The following UBASH3A variants were observed in gnomAD, a reference collection of about 807,000 sequenced individuals.
UBASH3A encodes ubiquitin associated and SH3 domain containing A.
In UBASH3A, 63 loss-of-function variants were observed where a neutral mutation model predicts 73.5. That is an observed-to-expected ratio of 0.86 (90% CI 0.70 to 1.06). The LOEUF (loss-of-function observed/expected upper bound fraction) is 1.06, where lower values mean the gene tolerates loss of function less well. Among genes scored for constraint, UBASH3A ranks in the 50% least tolerant of loss-of-function variants. The pLI, the probability that UBASH3A is intolerant of heterozygous loss-of-function variation, is 0.00. For missense variants in UBASH3A, 860 were observed against 859.0 expected (o/e 1.00, Z -0.02); for synonymous variants, 363 against 351.1 (o/e 1.03, Z -0.38).
intron 7 of UBASH3A, among the ~76,000 whole-genome samples, chr21:42,426,162 C>T (rs2053431231): frequency 6.6e-6 from 1 of 152,120 alleles, no homozygotes; most frequent in African/African-American, 2.4e-5. Flanking sequence ...TCATGGGACC[C>T]CAGTTCGTTT....
intron 3 of UBASH3A, among the ~76,000 whole-genome samples, chr21:42,412,814 A>G (rs532136253): frequency 6.6e-6 from 1 of 152,360 alleles, no homozygotes; most frequent in East Asian, 1.9e-4. Flanking sequence ...CAACCTGCAA[A>G]GAAACTTACC....
rs573367530 is a variant in UBASH3A at position 42,427,032 on chromosome 21, C to G, written c.1170+212C>G. Among the ~76,000 whole-genome samples, 387 of 152,254 alleles carry G rather than the reference C, an allele frequency of 2.5e-3. 1 individual carries two copies. The highest frequency in any genetic ancestry group is 8.1e-3 in the African/African-American group (335 of 41,558). ...CTGCTCTGGGCAGACAGGGAGCCACCCCTTCATGGCAGAGTGCCCCACCTT... is the reference window on the plus strand; with the variant it reads ...CTGCTCTGGGCAGACAGGGAGCCACGCCTTCATGGCAGAGTGCCCCACCTT... On this transcript the variant is annotated intron_variant, in intron 8 of 14. Coordinates refer to ENST00000319294, the MANE Select transcript of UBASH3A (RefSeq NM_018961.4).
rs768556913 is a variant in UBASH3A at position 42,409,519 on chromosome 21, C to A, written c.265C>A (p.Gln89Lys). The A allele has an allele frequency of 1.2e-6, 2 of 1,614,130 alleles. No individual in the cohort carries two copies. Among genetic ancestry groups the A allele is most frequent in the East Asian group, 4.5e-5 (2 of 44,880 alleles). ...CPTGPLLEKL[Q>K]EFWRESKRQC... The stretch of plus-strand genomic sequence containing the variant: ...AACGGGGCCCCTGCTGGAAAAACTT[C>A]AAGAGTTCTGGAGAGAGAGCAAGCG... Residue 89 changes from glutamine (Q) to lysine (K), a missense_variant, in exon 3 of 15, where the codon CAA becomes AAA. Physicochemically the swap from Gln to Lys is moderately conservative, Grantham distance 53. Coordinates refer to ENST00000319294, the MANE Select transcript of UBASH3A (RefSeq NM_018961.4).
At chr21:42,434,742 G>C in intron 9 of UBASH3A, 90 bp from the exon 10 acceptor site, 1 of 1,387,746 alleles carries the variant, frequency 7.2e-7, no homozygotes, top group Non-Finnish European at 9.8e-7. Context: ...TAACATTGCT[G>C]TTAGAGTGGG....
chr21:42,442,541 C>G lies in UBASH3A; in HGVS notation c.1576C>G (p.Leu526Val). The part of the protein sequence containing the change: ...KWEAGKTTPT[L>V]MSLEELKEAN... ...GGAAGCTGGCAAAACCACCCCAACC[C>G]TCATGAGCCTGGAAGAGCTGAAAGA... Residue 526 changes from leucine to valine, a missense_variant, in exon 12 of 15, where the codon CTC (leucine) becomes GTC (valine). By Grantham distance (32) the Leu-to-Val change is conservative. Transcript: ENST00000319294. 6.2e-7 allele frequency: 1 copy of G among 1,614,168 alleles called. No individual in the cohort carries two copies. The highest frequency in any genetic ancestry group is 2.2e-5 in the East Asian group (1 of 44,890).
In UBASH3A at chr21:42,444,569, CTG is replaced by C. The variant is rs1229982989; in HGVS notation, c.1775_1776del (p.Leu592ArgfsTer34). The C allele has an allele frequency of 1.2e-6, 2 of 1,613,948 alleles. No homozygotes were observed. Among genetic ancestry groups the C allele is most frequent in the Non-Finnish European group, 8.5e-7 (1 of 1,180,040 alleles). ...VILIVSHGST[L>X]DSCTRPLLGL... ...CCTAATTGTGAGTCACGGCTCCACTCTGGACTCCTGCACGCGGCCACTGCTCG... is the reference window on the plus strand; with the variant it reads ...CCTAATTGTGAGTCACGGCTCCACTCGACTCCTGCACGCGGCCACTGCTCG... On this transcript the variant is annotated frameshift_variant, in exon 14 of 15. Transcript: ENST00000319294. LOFTEE classifies it high-confidence loss of function.
rs766283227 is a variant in UBASH3A, at chr21:42,403,973, G to A, written c.28G>A (p.Ala10Thr). The stretch of plus-strand genomic sequence containing the variant: ...GGCAGCGGGGGAGACGCAGCTCTAC[G>A]CCAAGGTCTCCAACAAGCTCAAGAG... MAAGETQLY[A>T]KVSNKLKSRS... Residue 10 changes from alanine (A) to threonine (T), a missense_variant, in exon 1 of 15, where the codon GCC (alanine) becomes ACC (threonine). Coordinates refer to ENST00000319294, the MANE Select transcript of UBASH3A (RefSeq NM_018961.4). 87 of 1,524,454 alleles carry A rather than the reference G, an allele frequency of 5.7e-5. No individual in the cohort carries two copies. Among genetic ancestry groups the A allele is most frequent in the Non-Finnish European group, 5.6e-5 (63 of 1,131,790 alleles). The allele number at this position is 1,524,454 out of a possible 1,614,324, so 94.4% of individuals were successfully genotyped here.
chr21:42,423,479 G>A (rs1011450238), intron 7 of UBASH3A, among the ~76,000 whole-genome samples: 1 of 152,224 alleles, frequency 6.6e-6, no homozygotes, highest in African/African-American at 2.4e-5. Flanking sequence ...TTAAGGAATA[G>A]AGAGGAGATG....
At chr21:42,427,017 C>A (rs1228265261) in intron 8 of UBASH3A, among the ~76,000 whole-genome samples, 197 bp downstream of exon 8, 2 of 152,180 alleles carry the variant, frequency 1.3e-5, no homozygotes, top group African/African-American at 4.8e-5. Flanking sequence ...CTGCTCTGGG[C>A]AGACAGGGAG....
chr21:42,422,873 G>A (rs1342807758), intron 7 of UBASH3A, among the ~76,000 whole-genome samples: 1 of 152,178 alleles, frequency 6.6e-6, no homozygotes, highest in Admixed American at 6.5e-5. Flanking sequence ...CCCTGGAAGG[G>A]AGAGTGTCTA....
chr21:42,447,328 A>C lies in UBASH3A; in HGVS notation c.*134A>C. ...TTGTAGAAGCACGAGACGCACTTTT[A>C]TATCCCGGAATATTTCCCTCCGGCT... On this transcript the variant is annotated 3_prime_UTR_variant, in exon 15 of 15. Transcript: ENST00000319294. The C allele has an allele frequency of 2.1e-6, 2 of 932,150 alleles. No individual in the cohort carries two copies. Among genetic ancestry groups the C allele is most frequent in the Non-Finnish European group, 3.2e-6 (2 of 629,862 alleles). The allele number at this position is 932,150 out of a possible 1,614,324, so 57.7% of individuals were successfully genotyped here.
At chr21:42,416,266 T>C in intron 5 of UBASH3A, among the ~76,000 whole-genome samples, 176 bp from the exon 6 acceptor site, 1 of 152,014 alleles carries the variant, frequency 6.6e-6, no homozygotes, top group East Asian at 1.9e-4. Flanking sequence ...TCTTTCCTAC[T>C]TCCTGGAAAA....
rs528955723 is a variant in UBASH3A at position 42,430,954 on chromosome 21, A to C, written c.1171-1149A>C. ...GCTCTGGGGCTGGGAATGTAGGTGAAGGGCCGATGTCAGCTGGCACATTAG... is the reference window on the plus strand; with the variant it reads ...GCTCTGGGGCTGGGAATGTAGGTGACGGGCCGATGTCAGCTGGCACATTAG... On this transcript the variant is annotated intron_variant, in intron 8 of 14. Transcript: ENST00000319294. 2.0e-5 allele frequency among the ~76,000 whole-genome samples: 3 copies of C among 152,278 alleles called. No individual in the cohort carries two copies. The East Asian group carries it at 5.8e-4, about 29-fold the overall frequency.
chr21:42,435,704 G>T (rs1033202406), intron 10 of UBASH3A, among the ~76,000 whole-genome samples: 1 of 151,546 alleles, frequency 6.6e-6, no homozygotes, highest in Admixed American at 6.6e-5. Context: ...TTGTTATAGA[G>T]TTATAGAATT....
At chr21:42,419,114 A>G (rs910647436) in intron 7 of UBASH3A, among the ~76,000 whole-genome samples, 15 of 152,228 alleles carry the variant, frequency 9.9e-5, no homozygotes, top group African/African-American at 3.6e-4. Context: ...GGTGCCTGCC[A>G]GGGCTGGGCT....
At chr21:42,420,178 G>A (rs149759774) in intron 7 of UBASH3A, among the ~76,000 whole-genome samples, 179 of 152,068 alleles carry the variant, frequency 1.2e-3, no homozygotes, top group Middle Eastern at 3.4e-3. Context: ...ATTGGTTCCC[G>A]GACCCCCACA....
chr21:42,434,372 A>G (rs991695368), intron 9 of UBASH3A, among the ~76,000 whole-genome samples: 1 of 152,174 alleles, frequency 6.6e-6, no homozygotes, highest in South Asian at 2.1e-4. Context: ...GCTTCAAGCA[A>G]TTGACTAAAG....
At chr21:42,418,873 C>T (rs947548116) in intron 7 of UBASH3A, among the ~76,000 whole-genome samples, 1 of 152,178 alleles carries the variant, frequency 6.6e-6, no homozygotes, top group African/African-American at 2.4e-5. Context: ...AATACTACTT[C>T]TTTATCACAC....
chr21:42,433,515 T>TCTGCCCC (rs2053573703), intron 9 of UBASH3A, among the ~76,000 whole-genome samples: 1 of 152,188 alleles, frequency 6.6e-6, no homozygotes, highest in Non-Finnish European at 1.5e-5. Flanking sequence ...AGCTCTGCCC[T>TCTGCCCC]CTGCCCCCAG....
Sources: gnomAD v4.1 joint callset for allele counts (sites outside exome capture counted in the v4.1 genomes callset) on GRCh38, gnomAD v4.1.1 for gene constraint, MANE v1.5 for transcripts, NCBI Gene and HGNC (gene_info 2026-07-23, HGNC 2026-07-21) for gene names.